Variants in CPSF6 observed in about 807,000 individuals in gnomAD.
CPSF6 encodes the protein cleavage and polyadenylation specificity factor subunit 6.
CPSF6 carries 10 observed loss-of-function variants against 56.7 expected under a neutral mutation model. That is an observed-to-expected ratio of 0.18 (90% CI 0.11 to 0.30). The LOEUF (loss-of-function observed/expected upper bound fraction) is 0.30. Ranked by LOEUF, CPSF6 falls within the 10% of genes least tolerant of loss-of-function variation. The probability of loss-of-function intolerance (pLI) is 1.00; values close to 1 mark genes in which losing one functional copy is unlikely to be tolerated. For synonymous variants in CPSF6, 248 were observed against 244.8 expected (o/e 1.01, Z -0.12); for missense variants, 419 against 722.9 (o/e 0.58, Z 4.82).
chr12:69,242,412 A>G (rs1331268353), intron 1 of CPSF6, among the ~76,000 whole-genome samples: 5 of 152,204 alleles, frequency 3.3e-5, no homozygotes, highest in African/African-American at 7.2e-5. Flanking sequence ...CATCTATTGA[A>G]GTAGAAAAAA....
At chr12:69,248,510 C>G (rs1872033456) in intron 1 of CPSF6, among the ~76,000 whole-genome samples, 1 of 152,236 alleles carries the variant, frequency 6.6e-6, no homozygotes, top group Admixed American at 6.5e-5. Context: ...ACTACTGCTG[C>G]AGCCACACCG....
At chr12:69,243,635 T>A (rs1592790821) in intron 1 of CPSF6, among the ~76,000 whole-genome samples, 2 of 152,118 alleles carry the variant, frequency 1.3e-5, no homozygotes, top group Admixed American at 6.5e-5. Context: ...ATATAAAAGA[T>A]AAAAAGTGGC....
At chr12:69,257,414 A>T (rs1266758784) in intron 4 of CPSF6, among the ~76,000 whole-genome samples, 1 of 152,250 alleles carries the variant, frequency 6.6e-6, no homozygotes, top group African/African-American at 2.4e-5. Flanking sequence ...AGTGTGTTAC[A>T]AAATTTAAAT....
intron 8 of CPSF6, among the ~76,000 whole-genome samples, chr12:69,261,726 T>C (rs899036799): frequency 8.5e-5 from 13 of 152,294 alleles, no homozygotes; most frequent in African/African-American, 3.1e-4. Context: ...TTTATAGAAG[T>C]CTTTTGGGTA....
chr12:69,257,291 A>T (rs549003419), intron 4 of CPSF6, among the ~76,000 whole-genome samples: 2 of 152,360 alleles, frequency 1.3e-5, no homozygotes, highest in East Asian at 3.9e-4. Context: ...ATTTGTCATT[A>T]TACATTTAAG....
chr12:69,250,686 G>A (rs1194445608), intron 1 of CPSF6, among the ~76,000 whole-genome samples: 7 of 149,254 alleles, frequency 4.7e-5, no homozygotes, highest in South Asian at 2.1e-4. Context: ...TTGCTCTGTC[G>A]CCCAGGCTGG....
At chr12:69,243,613 G>A (rs1326897725) in intron 1 of CPSF6, among the ~76,000 whole-genome samples, 1 of 152,114 alleles carries the variant, frequency 6.6e-6, no homozygotes, top group Non-Finnish European at 1.5e-5. Context: ...GAAAAGGTAA[G>A]TGAAAATCTT....
At chr12:69,264,161 T>C (rs1872869688) in intron 9 of CPSF6, among the ~76,000 whole-genome samples, 1 of 152,100 alleles carries the variant, frequency 6.6e-6, no homozygotes, top group Non-Finnish European at 1.5e-5. Context: ...AACTGGATTG[T>C]GACTGGGTTA....
At chr12:69,265,439 T>G (rs1389868918) in intron 9 of CPSF6, among the ~76,000 whole-genome samples, 1 of 152,182 alleles carries the variant, frequency 6.6e-6, no homozygotes, top group South Asian at 2.1e-4. Context: ...AGCTTTTCTT[T>G]GTTTACTGAA....
At chr12:69,249,064 T>C (rs1191488680) in intron 1 of CPSF6, among the ~76,000 whole-genome samples, 1 of 148,022 alleles carries the variant, frequency 6.8e-6, no homozygotes, top group Admixed American at 6.9e-5. Context: ...GGCTAACCCA[T>C]CCTGCCTAAC....
chr12:69,264,467 T>A (rs1872882704), intron 9 of CPSF6, among the ~76,000 whole-genome samples: 2 of 152,118 alleles, frequency 1.3e-5, no homozygotes, highest in African/African-American at 4.8e-5. Flanking sequence ...CATTACATTC[T>A]AGTAATGGGT....
intron 7 of CPSF6, 86 bp downstream of exon 7, chr12:69,259,629 T>C: frequency 9.1e-7 from 1 of 1,100,440 alleles, no homozygotes; most frequent in Non-Finnish European, 1.3e-6. Context: ...AGATAGGTCA[T>C]TTACATGTAG....
At chr12:69,251,651 A>T (rs1012012392) in intron 2 of CPSF6, among the ~76,000 whole-genome samples, 1 of 152,208 alleles carries the variant, frequency 6.6e-6, no homozygotes, top group Non-Finnish European at 1.5e-5. Context: ...AGTTTCACTA[A>T]AAATAATGCT....
At chr12:69,259,145 A>G (rs772176472) in intron 6 of CPSF6, 51 bp downstream of exon 6, 13 of 1,521,666 alleles carry the variant, frequency 8.5e-6, no homozygotes, top group South Asian at 7.4e-5. Flanking sequence ...GATAGGAACA[A>G]TGACTGTAAA....
chr12:69,245,959 C>A (rs1324938685), intron 1 of CPSF6, among the ~76,000 whole-genome samples: 3 of 152,156 alleles, frequency 2.0e-5, no homozygotes, highest in Non-Finnish European at 2.9e-5. Context: ...TGATAGTGCA[C>A]ACCTGTAATT....
rs1178241649 is a variant in CPSF6 at position 69,258,213 on chromosome 12, C to G, written c.694+308C>G. 2.2e-6 allele frequency: 2 copies of G among 907,276 alleles called. No individual in the cohort carries two copies. The highest frequency in any genetic ancestry group is 2.6e-5 in the Admixed American group (1 of 37,768). 56.2% of individuals were successfully genotyped at this position (907,276 alleles called of 1,614,324 possible). The stretch of plus-strand genomic sequence containing the variant: ...ATTTACATCCGTCTTACTTTCTTAC[C>G]TCTTAAAAAAATCCTTTCAAGATCA... On this transcript the variant is annotated intron_variant, in intron 5 of 9. Coordinates refer to ENST00000435070, the MANE Select transcript of CPSF6 (RefSeq NM_007007.3). This position sits in a 1 kb window ranked among gnomAD's most constrained non-coding sequence, Gnocchi z 4.2.
chr12:69,247,341 A>C (rs1871964099), intron 1 of CPSF6, among the ~76,000 whole-genome samples: 1 of 151,938 alleles, frequency 6.6e-6, no homozygotes, highest in African/African-American at 2.4e-5. Flanking sequence ...AGTGATTTAG[A>C]ATGGTAGGGA....
chr12:69,260,776 T>C (rs1872710444), intron 8 of CPSF6, among the ~76,000 whole-genome samples: 1 of 152,218 alleles, frequency 6.6e-6, no homozygotes, highest in Non-Finnish European at 1.5e-5. Flanking sequence ...CTATCCTGCT[T>C]ACTATATTTC....
rs993419732 is a variant in CPSF6, at chr12:69,258,508, A to G, written c.695-82A>G. ...GACTTGGTGTATGCTCTATGCGTTT[A>G]AAGTATAATCTTGGCATATAAAAGT... On this transcript the variant is annotated intron_variant, in intron 5 of 9. Coordinates refer to ENST00000435070, the MANE Select transcript of CPSF6 (RefSeq NM_007007.3). The surrounding 1 kb of genome is among the most constrained non-coding windows in gnomAD (Gnocchi z 4.2). The G allele has an allele frequency of 5.7e-6, 8 of 1,403,576 alleles. No individual in the cohort carries two copies. The highest frequency in any genetic ancestry group is 3.8e-4 in the Middle Eastern group (2 of 5,320). The allele number at this position is 1,403,576 out of a possible 1,614,324, so 86.9% of individuals were successfully genotyped here.
Sources: gnomAD v4.1 joint callset for allele counts (sites outside exome capture counted in the v4.1 genomes callset) on GRCh38, gnomAD v4.1.1 for gene constraint, Gnocchi (gnomAD v3.1) non-coding constraint, MANE v1.5 for transcripts, NCBI Gene and HGNC (gene_info 2026-07-23, HGNC 2026-07-21) for gene names.